The following CSMD1 variants were observed in gnomAD, a reference collection of about 807,000 sequenced individuals.
The protein encoded by CSMD1 is CUB and Sushi multiple domains 1.
Under a neutral mutation model 417.5 loss-of-function variants are expected in CSMD1, and 213 were observed. The ratio of observed to expected loss-of-function variants is 0.51; its 90% CI spans 0.46 to 0.57. CSMD1 has a LOEUF of 0.57. CSMD1 is among the 20% of genes least tolerant of loss of function. The probability of loss-of-function intolerance (pLI) is 0.00; values close to 1 mark genes in which losing one functional copy is unlikely to be tolerated. For synonymous variants in CSMD1, 2,862 were observed against 1,736.8 expected (o/e 1.65, Z -16.11); for missense variants, 6,923 against 4,529.7 (o/e 1.53, Z -15.17).
chr8:4,590,535 T>C (rs1026925273), intron 2 of CSMD1, among the ~76,000 whole-genome samples: 1 of 152,092 alleles, frequency 6.6e-6, no homozygotes, highest in Admixed American at 6.6e-5. Flanking sequence ...ATACCTGGAA[T>C]TATGACACCT....
At chr8:3,338,439 A>C (rs547597095) in intron 23 of CSMD1, among the ~76,000 whole-genome samples, 1 of 152,384 alleles carries the variant, frequency 6.6e-6, no homozygotes, top group East Asian at 1.9e-4. Flanking sequence ...GGATAGACAG[A>C]GAATTCAGGA....
At chr8:3,988,944 C>G (rs1008444644) in intron 5 of CSMD1, among the ~76,000 whole-genome samples, 6 of 152,150 alleles carry the variant, frequency 3.9e-5, no homozygotes, top group Admixed American at 6.5e-5. Flanking sequence ...GCTTTTATAA[C>G]TCAAAAAATT....
intron 2 of CSMD1, among the ~76,000 whole-genome samples, chr8:4,553,769 G>A (rs1469255198): frequency 3.3e-5 from 5 of 152,126 alleles, no homozygotes; most frequent in South Asian, 2.1e-4. Flanking sequence ...TCAGAGTAAC[G>A]TGTAATCGTC....
intron 1 of CSMD1, among the ~76,000 whole-genome samples, chr8:4,939,657 T>C (rs147963147): frequency 8.9e-4 from 135 of 152,168 alleles, no homozygotes; most frequent in African/African-American, 3.0e-3. Flanking sequence ...TGGGAAGGAA[T>C]TGGGAGATAC....
chr8:3,989,112 G>C (rs562231092), intron 5 of CSMD1, among the ~76,000 whole-genome samples: 3 of 152,322 alleles, frequency 2.0e-5, no homozygotes, highest in South Asian at 2.1e-4. Flanking sequence ...CGTGCAGCTA[G>C]TTATAGAAAT....
chr8:4,467,355 C>T (rs781107147), intron 2 of CSMD1, among the ~76,000 whole-genome samples: 4 of 152,080 alleles, frequency 2.6e-5, no homozygotes, highest in African/African-American at 7.2e-5. Context: ...GTAATTCCTG[C>T]ACCTGGATCA....
chr8:3,329,333 G>C (rs896926740), intron 23 of CSMD1, among the ~76,000 whole-genome samples: 3 of 152,068 alleles, frequency 2.0e-5, no homozygotes, highest in African/African-American at 7.2e-5. Context: ...GCTTCATCAT[G>C]ACCCATTTGC....
intron 3 of CSMD1, among the ~76,000 whole-genome samples, chr8:4,390,490 C>T (rs1056848568): frequency 1.2e-3 from 50 of 40,872 alleles, no homozygotes; most frequent in African/African-American, 7.7e-3. Flanking sequence ...CCCACAGAAG[C>T]GTCCATTTTT....
intron 25 of CSMD1, among the ~76,000 whole-genome samples, chr8:3,307,300 C>A (rs1449436221): frequency 6.6e-6 from 1 of 151,964 alleles, no homozygotes; most frequent in Non-Finnish European, 1.5e-5. Context: ...GGGGCTCCTG[C>A]TTTCCCAACC....
intron 1 of CSMD1, among the ~76,000 whole-genome samples, chr8:4,828,595 A>C (rs1328537435): frequency 6.6e-6 from 1 of 152,026 alleles, no homozygotes; most frequent in Non-Finnish European, 1.5e-5. Context: ...CCACCTTTTC[A>C]TCAAAACCTC....
intron 10 of CSMD1, among the ~76,000 whole-genome samples, chr8:3,540,817 C>G (rs1354848212): frequency 6.6e-6 from 1 of 152,160 alleles, no homozygotes; most frequent in Non-Finnish European, 1.5e-5. Flanking sequence ...AAGTGCAAAT[C>G]AAAACCACAA....
At position 4,312,453 on chromosome 8, in the gene CSMD1, A is replaced by G. The variant is rs553127955; in HGVS notation, c.415+107500T>C. 8.9e-4 allele frequency among the ~76,000 whole-genome samples: 108 copies of G among 121,192 alleles called. 14 individuals carry two copies. The highest frequency in any genetic ancestry group is 4.1e-3 in the African/African-American group (92 of 22,516). The allele number at this position is 121,192 out of a possible 152,430, so 79.5% of individuals were successfully genotyped here. A position where few individuals can be genotyped will look rare whatever the true frequency, so the allele number is the denominator to read the frequency against. ...TATATATATGCGTATATATATACGT[A>G]TATATATGCGCGTATATATATATAT... On this transcript the variant is annotated intron_variant, in intron 3 of 69. Coordinates refer to ENST00000635120, the MANE Select transcript of CSMD1 (RefSeq NM_033225.6).
intron 3 of CSMD1, among the ~76,000 whole-genome samples, chr8:4,090,533 G>A (rs1222878194): frequency 5.9e-5 from 9 of 152,154 alleles, no homozygotes; most frequent in African/African-American, 2.2e-4. Context: ...ACCTCTTCAT[G>A]TCTTGGATTA....
At chr8:3,344,595 A>T (rs1807867545) in intron 22 of CSMD1, among the ~76,000 whole-genome samples, 1 of 152,202 alleles carries the variant, frequency 6.6e-6, no homozygotes, top group Non-Finnish European at 1.5e-5. Context: ...ATTACACGAT[A>T]TTGGAAAATG....
chr8:4,512,238 T>C (rs534980874), intron 2 of CSMD1, among the ~76,000 whole-genome samples: 1 of 152,282 alleles, frequency 6.6e-6, no homozygotes, highest in African/African-American at 2.4e-5. Context: ...CCAATACATA[T>C]TTATGATTCA....
intron 3 of CSMD1, among the ~76,000 whole-genome samples, chr8:4,153,071 G>C (rs1410197215): frequency 6.6e-6 from 1 of 152,116 alleles, no homozygotes; most frequent in African/African-American, 2.4e-5. Flanking sequence ...TTTGAAGGGG[G>C]TATGATTCTT....
At chr8:4,079,197 T>C (rs970683254) in intron 3 of CSMD1, among the ~76,000 whole-genome samples, 8 of 152,096 alleles carry the variant, frequency 5.3e-5, no homozygotes, top group East Asian at 1.9e-4. Flanking sequence ...TTTTAGTCTA[T>C]AGAGACATGC....
chr8:4,488,830 A>G (rs1027121771), intron 2 of CSMD1, among the ~76,000 whole-genome samples: 4 of 152,204 alleles, frequency 2.6e-5, no homozygotes, highest in Non-Finnish European at 4.4e-5. Context: ...AGAGATCGCC[A>G]GTTCCTTCCT....
intron 1 of CSMD1, among the ~76,000 whole-genome samples, chr8:4,829,208 C>T (rs541510893): frequency 6.6e-6 from 1 of 152,120 alleles, no homozygotes; most frequent in African/African-American, 2.4e-5. Context: ...ATAAAGACTG[C>T]TCAAGTTGTT....
Sources: gnomAD v4.1 joint callset for allele counts (sites outside exome capture counted in the v4.1 genomes callset) on GRCh38, gnomAD v4.1.1 for gene constraint, MANE v1.5 for transcripts, NCBI Gene and HGNC (gene_info 2026-07-23, HGNC 2026-07-21) for gene names.